Variants in PLCH1 observed in about 807,000 individuals in gnomAD.
PLCH1 encodes the protein 1-phosphatidylinositol 4,5-bisphosphate phosphodiesterase eta-1.
A neutral mutation model predicts 126.7 loss-of-function variants in PLCH1; 60 were observed. The ratio of observed to expected loss-of-function variants is 0.47; its 90% CI spans 0.38 to 0.59. The LOEUF is 0.59. Among genes scored for constraint, PLCH1 ranks in the 20% least tolerant of loss-of-function variants. The pLI is 0.00. For synonymous variants in PLCH1, 719 were observed against 734.9 expected, an observed-to-expected ratio of 0.98 and a Z score of 0.35; for missense variants, 1,723 against 2,040.0, an observed-to-expected ratio of 0.84 and a Z score of 2.99.
At chr3:155,688,388 G>A (rs1745113372) in intron 2 of PLCH1, among the ~76,000 whole-genome samples, 1 of 152,122 alleles carries the variant, frequency 6.6e-6, no homozygotes, top group Non-Finnish European at 1.5e-5. Flanking sequence ...GATCATAAAG[G>A]CCAGTTGAGT....
At chr3:155,633,703 C>T (rs564164416) in intron 2 of PLCH1, among the ~76,000 whole-genome samples, 2 of 152,320 alleles carry the variant, frequency 1.3e-5, no homozygotes, top group African/African-American at 4.8e-5. Flanking sequence ...GGGCAGATCA[C>T]TTGAGGCCGG....
intron 21 of PLCH1, among the ~76,000 whole-genome samples, chr3:155,471,096 T>A (rs556684228): frequency 7.8e-4 from 118 of 151,992 alleles, no homozygotes; most frequent in African/African-American, 2.7e-3. Flanking sequence ...TAAATATAAA[T>A]GGACTAAATG....
intron 2 of PLCH1, among the ~76,000 whole-genome samples, chr3:155,600,373 C>T (rs1360224457): frequency 6.6e-6 from 1 of 152,148 alleles, no homozygotes; most frequent in East Asian, 1.9e-4. Context: ...CATTGTCCAC[C>T]CATGCTCTAT....
chr3:155,511,893 C>G (rs1019786284), intron 12 of PLCH1, among the ~76,000 whole-genome samples: 1 of 152,136 alleles, frequency 6.6e-6, no homozygotes, highest in Non-Finnish European at 1.5e-5. Context: ...GTTCGAGCTT[C>G]CAGGCTGCTT....
At chr3:155,632,354 C>G (rs761562691) in intron 2 of PLCH1, among the ~76,000 whole-genome samples, 7 of 152,186 alleles carry the variant, frequency 4.6e-5, no homozygotes, top group African/African-American at 9.6e-5. Context: ...AATTACCATG[C>G]TTTAATCCAG....
chr3:155,677,549 A>C (rs1287087446), intron 2 of PLCH1, among the ~76,000 whole-genome samples: 1 of 152,142 alleles, frequency 6.6e-6, no homozygotes, highest in Non-Finnish European at 1.5e-5. Context: ...TCAAAGACTG[A>C]CTCTGCCACC....
At chr3:155,715,198 C>G (rs1747414895) in intron 1 of PLCH1, among the ~76,000 whole-genome samples, 1 of 152,000 alleles carries the variant, frequency 6.6e-6, no homozygotes, top group Non-Finnish European at 1.5e-5. Flanking sequence ...TTATTTGTGC[C>G]TCTCTTATTT....
At chr3:155,516,165 C>T (rs902642566) in intron 11 of PLCH1, among the ~76,000 whole-genome samples, 2 of 152,202 alleles carry the variant, frequency 1.3e-5, no homozygotes, top group Non-Finnish European at 2.9e-5. Context: ...TGGCTCTTAA[C>T]ATCAGAAGGG....
At chr3:155,579,852 C>T (rs1168684818) in intron 6 of PLCH1, among the ~76,000 whole-genome samples, 1 of 152,026 alleles carries the variant, frequency 6.6e-6, no homozygotes, top group Non-Finnish European at 1.5e-5. Flanking sequence ...GTCTCTGTCT[C>T]TGTCTGTCTG....
In PLCH1 at chr3:155,504,089, C is replaced by T. The variant is rs143030430; in HGVS notation, c.1704+466G>A. Among the ~76,000 whole-genome samples, 11 of 152,180 alleles carry T rather than the reference C, an allele frequency of 7.2e-5. No individual in the cohort carries two copies. In the East Asian group the frequency reaches 1.4e-3, roughly 19 times the overall value. ...TAAATTGTGTTTCCCAGATGACTGACGGGTGAATTCCTTTTCTTTATTAGC... is the reference window on the plus strand; with the variant it reads ...TAAATTGTGTTTCCCAGATGACTGATGGGTGAATTCCTTTTCTTTATTAGC... On this transcript the variant is annotated intron_variant, in intron 13 of 22. Transcript: ENST00000460012.
At chr3:155,465,682 G>A (rs1370097440) in intron 21 of PLCH1, among the ~76,000 whole-genome samples, 1 of 151,918 alleles carries the variant, frequency 6.6e-6, no homozygotes, top group Non-Finnish European at 1.5e-5. Context: ...GGTTCTTGGG[G>A]TTCCCAATTC....
chr3:155,742,805 C>G (rs192350106), intron 1 of PLCH1: 13 of 153,418 alleles, frequency 8.5e-5, no homozygotes, highest in Admixed American at 3.2e-4. Flanking sequence ...GCATGTTACT[C>G]GCTAATCATT....
At chr3:155,689,402 C>T (rs892338418) in intron 2 of PLCH1, among the ~76,000 whole-genome samples, 1 of 152,044 alleles carries the variant, frequency 6.6e-6, no homozygotes, top group Admixed American at 6.5e-5. Context: ...CAGCATCATC[C>T]AAGAAAACAT....
intron 4 of PLCH1, among the ~76,000 whole-genome samples, chr3:155,588,770 T>C (rs1731709070): frequency 6.6e-6 from 1 of 152,128 alleles, no homozygotes; most frequent in Non-Finnish European, 1.5e-5. Flanking sequence ...TGTACAGTAG[T>C]CCTAATTCTA....
intron 14 of PLCH1, 53 bp from the exon 15 acceptor site, chr3:155,497,470 G>C (rs1717218636): frequency 8.0e-7 from 1 of 1,242,424 alleles, no homozygotes; most frequent in Non-Finnish European, 1.2e-6. Flanking sequence ...AAGAGGTTTG[G>C]GTTCTTGGTT....
intron 14 of PLCH1, among the ~76,000 whole-genome samples, chr3:155,498,566 A>T (rs1717411060): frequency 6.6e-6 from 1 of 152,174 alleles, no homozygotes; most frequent in Admixed American, 6.5e-5. Context: ...CTTTGCAGGG[A>T]GGAGACCAGG....
intron 2 of PLCH1, among the ~76,000 whole-genome samples, chr3:155,648,793 G>A (rs11922696): frequency 0.018 from 2,730 of 152,296 alleles, 87 homozygotes; most frequent in African/African-American, 0.062. Flanking sequence ...CACAGGCTTG[G>A]CTGTCAGAGA....
rs138565998 is a variant in PLCH1, at chr3:155,596,636, C to T, written c.80-258G>A. On this transcript the variant is annotated intron_variant, in intron 2 of 22. Transcript: ENST00000460012. ...ATAATGCAATACTTCATAGGGCTAT[C>T]TTCTGTTCTGTTTTTTGGTATGAGA... Among the ~76,000 whole-genome samples, 638 of 150,848 alleles carry T rather than the reference C, an allele frequency of 4.2e-3. 1 individual carries two copies. Among genetic ancestry groups the T allele is most frequent in the Admixed American group, 7.1e-3 (108 of 15,160 alleles).
intron 2 of PLCH1, among the ~76,000 whole-genome samples, chr3:155,612,404 A>G (rs185579130): frequency 7.2e-5 from 11 of 152,084 alleles, no homozygotes; most frequent in Admixed American, 6.5e-4. Flanking sequence ...GAGGACAAAA[A>G]GACAATCTAA....
Sources: gnomAD v4.1 joint callset for allele counts (sites outside exome capture counted in the v4.1 genomes callset) on GRCh38, gnomAD v4.1.1 for gene constraint, MANE v1.5 for transcripts, NCBI Gene and HGNC (gene_info 2026-07-23, HGNC 2026-07-21) for gene names.